The following TNFRSF19 variants were observed in gnomAD, a reference collection of about 807,000 sequenced individuals.
TNFRSF19 encodes TNF receptor superfamily member 19.
A neutral mutation model predicts 46.4 loss-of-function variants in TNFRSF19; 27 were observed. The ratio of observed to expected loss-of-function variants is 0.58; its 90% CI spans 0.43 to 0.80. The LOEUF is 0.80. Among genes scored for constraint, TNFRSF19 ranks in the 30% least tolerant of loss-of-function variants. TNFRSF19 has a pLI of 0.00. For synonymous variants in TNFRSF19, 204 were observed against 205.0 expected (o/e 1.00, Z 0.04); for missense variants, 511 against 530.8 (o/e 0.96, Z 0.37).
chr13:23,626,017 T>C (rs1881977479), intron 4 of TNFRSF19, among the ~76,000 whole-genome samples: 1 of 152,200 alleles, frequency 6.6e-6, no homozygotes, highest in Non-Finnish European at 1.5e-5. Context: ...GTTTGCTTAT[T>C]TTTCAATTAT....
chr13:23,639,078 T>TA (rs898209318), intron 5 of TNFRSF19, among the ~76,000 whole-genome samples: 1 of 152,162 alleles, frequency 6.6e-6, no homozygotes, highest in African/African-American at 2.4e-5. Flanking sequence ...TACTAATAAA[T>TA]AAAAACCAAA....
At chr13:23,645,008 C>G (rs563189242) in intron 5 of TNFRSF19, among the ~76,000 whole-genome samples, 22 of 152,222 alleles carry the variant, frequency 1.4e-4, no homozygotes, top group Non-Finnish European at 3.2e-4. Context: ...CCACTGAGCT[C>G]TGCTCCTCTT....
chr13:23,660,529 G>A (rs373989225), intron 7 of TNFRSF19, 39 bp downstream of exon 7: 80 of 1,599,436 alleles, frequency 5.0e-5, no homozygotes, highest in Admixed American at 3.6e-4. Context: ...AGGACTGGAG[G>A]TACACAGAAG....
chr13:23,662,376 T>C (rs1034380713), intron 7 of TNFRSF19, among the ~76,000 whole-genome samples: 2 of 152,200 alleles, frequency 1.3e-5, no homozygotes, highest in African/African-American at 4.8e-5. Context: ...TTCTACTCCA[T>C]TGGTCTATGT....
chr13:23,618,404 A>G (rs754737887), intron 4 of TNFRSF19, among the ~76,000 whole-genome samples: 3 of 152,218 alleles, frequency 2.0e-5, no homozygotes, highest in Non-Finnish European at 2.9e-5. Context: ...AAGTTGCCCA[A>G]CATCATTAAC....
intron 5 of TNFRSF19, among the ~76,000 whole-genome samples, chr13:23,639,736 C>T (rs1882919449): frequency 6.6e-6 from 1 of 151,996 alleles, no homozygotes; most frequent in African/African-American, 2.4e-5. Context: ...CTGGAGGGAG[C>T]GGGCGACAGT....
In TNFRSF19 at chr13:23,659,147, C is replaced by T. The variant is rs1232155694; in HGVS notation, c.543C>T (p.Val181=). The change falls in exon 6 of 10, where the codon GTC becomes GTT. Residue 181 remains valine (V), a synonymous_variant. Coordinates refer to ENST00000248484, the MANE Select transcript of TNFRSF19 (RefSeq NM_148957.4). This position sits in a 1 kb window ranked among gnomAD's most constrained non-coding sequence, Gnocchi z 4.9. ...TTATCTGCAGCGCTCTGGCCACCGT[C>T]CTGCTGGCCCTGCTCATCCTCTGTG... is the stretch of plus-strand genomic sequence containing the variant. ...AAVICSALAT[V]LLALLILCVI... The T allele has an allele frequency of 6.2e-7, 1 of 1,614,156 alleles. No homozygotes were observed.
chr13:23,583,989 T>C (rs923020132), intron 1 of TNFRSF19, among the ~76,000 whole-genome samples: 1 of 152,224 alleles, frequency 6.6e-6, no homozygotes, highest in South Asian at 2.1e-4. Flanking sequence ...GATGATAAAA[T>C]GTACAACTTA....
chr13:23,581,626 C>A (rs1265802079), intron 1 of TNFRSF19, among the ~76,000 whole-genome samples: 1 of 151,992 alleles, frequency 6.6e-6, no homozygotes, highest in East Asian at 1.9e-4. Flanking sequence ...ATATGCTGTC[C>A]TTAATATATT....
At chr13:23,600,698 A>G (rs1309458552) in intron 3 of TNFRSF19, among the ~76,000 whole-genome samples, 1 of 152,146 alleles carries the variant, frequency 6.6e-6, no homozygotes, top group East Asian at 1.9e-4. Flanking sequence ...GGGAAGGGAA[A>G]TACTGACTCA....
chr13:23,663,774 T>C (rs1178131251), intron 7 of TNFRSF19, among the ~76,000 whole-genome samples: 1 of 152,194 alleles, frequency 6.6e-6, no homozygotes, highest in East Asian at 1.9e-4. Flanking sequence ...CTGTCTCTTC[T>C]AGGTTTTCTA....
intron 2 of TNFRSF19, among the ~76,000 whole-genome samples, chr13:23,590,560 C>T (rs1249308614): frequency 6.6e-6 from 1 of 152,186 alleles, no homozygotes; most frequent in Non-Finnish European, 1.5e-5. Flanking sequence ...GTCTTGAATA[C>T]CTGACCTCAG....
intron 1 of TNFRSF19, among the ~76,000 whole-genome samples, chr13:23,574,165 C>A (rs1029556511): frequency 3.3e-5 from 5 of 151,210 alleles, no homozygotes; most frequent in African/African-American, 1.2e-4. Context: ...CATGGCCAAA[C>A]AACTGCCCTC....
chr13:23,636,711 C>G (rs574671063), intron 5 of TNFRSF19, among the ~76,000 whole-genome samples: 14 of 152,126 alleles, frequency 9.2e-5, no homozygotes, highest in Non-Finnish European at 1.8e-4. Context: ...GTGACTGAGT[C>G]GATAGGTGCA....
intron 3 of TNFRSF19, among the ~76,000 whole-genome samples, chr13:23,598,621 G>T (rs750900379): frequency 1.1e-4 from 16 of 152,144 alleles, no homozygotes; most frequent in Non-Finnish European, 1.9e-4. Flanking sequence ...ACTCCCAGGA[G>T]CACTTTAAAT....
Position 23,665,552 on chromosome 13 carries a change from A to G in TNFRSF19, c.737-2428A>G, listed in dbSNP as rs74038474. On this transcript the variant is annotated intron_variant, in intron 7 of 9. Coordinates refer to ENST00000248484, the MANE Select transcript of TNFRSF19 (RefSeq NM_148957.4). ...AAAGTGTAGAACAAAGAATTCCCAC[A>G]TGTCCTTTACCGAGATTCCCCAAAT... is the stretch of plus-strand genomic sequence containing the variant. 3.0e-3 allele frequency among the ~76,000 whole-genome samples: 449 copies of G among 149,006 alleles called. 4 individuals are homozygous for G. The highest frequency in any genetic ancestry group is 0.01 in the African/African-American group (412 of 40,306).
intron 5 of TNFRSF19, among the ~76,000 whole-genome samples, chr13:23,632,797 T>G (rs1882430939): frequency 6.6e-6 from 1 of 152,106 alleles, no homozygotes; most frequent in Admixed American, 6.6e-5. Flanking sequence ...AGCATTACTG[T>G]ACCAAGCCAA....
chr13:23,616,977 G>A (rs988353589), intron 4 of TNFRSF19, among the ~76,000 whole-genome samples: 2 of 152,174 alleles, frequency 1.3e-5, no homozygotes, highest in Admixed American at 1.3e-4. Flanking sequence ...AAACCCTAAG[G>A]CAGACAAGGG....
intron 7 of TNFRSF19, among the ~76,000 whole-genome samples, chr13:23,665,230 A>G (rs550550538): frequency 6.6e-6 from 1 of 152,330 alleles, no homozygotes; most frequent in South Asian, 2.1e-4. Flanking sequence ...AGTCAGAGTA[A>G]GTAGGAATAC....
Sources: gnomAD v4.1 joint callset for allele counts (sites outside exome capture counted in the v4.1 genomes callset) on GRCh38, gnomAD v4.1.1 for gene constraint, Gnocchi (gnomAD v3.1) non-coding constraint, MANE v1.5 for transcripts, NCBI Gene and HGNC (gene_info 2026-07-23, HGNC 2026-07-21) for gene names.